The following ATP6V1G1 variants were observed in gnomAD, a reference collection of about 807,000 sequenced individuals.
ATP6V1G1 encodes ATPase H+ transporting V1 subunit G1, also known as V-type proton ATPase subunit G 1.
Under a neutral mutation model 14.2 loss-of-function variants are expected in ATP6V1G1, and 14 were observed. That is an observed-to-expected ratio of 0.99 (90% CI 0.65 to 1.55). ATP6V1G1 has a LOEUF of 1.55. Ranked by LOEUF, ATP6V1G1 falls within the 40% of genes most tolerant of loss-of-function variation. The probability of loss-of-function intolerance (pLI) is 0.00; values close to 1 mark genes in which losing one functional copy is unlikely to be tolerated. For missense variants in ATP6V1G1, 137 were observed against 146.4 expected (o/e 0.94, Z 0.33); for synonymous variants, 65 against 53.3 (o/e 1.22, Z -0.96).
At position 114,587,799 on chromosome 9, in the gene ATP6V1G1, G is replaced by A. The variant is rs756894791; in HGVS notation, c.-40G>A. On this transcript the variant is annotated 5_prime_UTR_variant, in exon 1 of 3. Transcript: ENST00000374050. ...AGCTGACCCAAGGGGCCTTCGAGGT[G>A]CCTTAGGCCGCTTGCCTTGCTCTCA... is the stretch of plus-strand genomic sequence containing the variant. 7.7e-6 allele frequency: 12 copies of A among 1,557,162 alleles called. No homozygotes were observed. In the Admixed American group the frequency reaches 1.2e-4, roughly 15 times the overall value.
intron 1 of ATP6V1G1, 189 bp downstream of exon 1, chr9:114,588,109 A>G: frequency 1.6e-6 from 1 of 635,080 alleles, no homozygotes; most frequent in Non-Finnish European, 2.7e-6. Context: ...GGAAGCCACG[A>G]TGTGAGATGG....
intron 1 of ATP6V1G1, among the ~76,000 whole-genome samples, chr9:114,588,322 A>G (rs118009168): frequency 0.021 from 3,095 of 150,800 alleles, 46 homozygotes; most frequent in Middle Eastern, 0.075. Context: ...TCCCTCCCTC[A>G]TTTAGTCAGT....
At chr9:114,590,048 G>A (rs943230398) in intron 1 of ATP6V1G1, among the ~76,000 whole-genome samples, 3 of 151,342 alleles carry the variant, frequency 2.0e-5, no homozygotes, top group African/African-American at 7.3e-5. Context: ...AAATACAAAA[G>A]TTAGCTGGGC....
Position 114,598,665 on chromosome 9 carries a change from T to C in ATP6V1G1, c.*922T>C, listed in dbSNP as rs1419590983. On this transcript the variant is annotated 3_prime_UTR_variant, in exon 3 of 3. Transcript: ENST00000374050. Reference sequence around the variant, plus strand: ...CCTGGGACAGCCTGGGGCAAGTTATTAAGCATATTTCCTTCCTGGTGGGCT... The same window carrying C: ...CCTGGGACAGCCTGGGGCAAGTTATCAAGCATATTTCCTTCCTGGTGGGCT... Among the ~76,000 whole-genome samples, 1 of 152,218 alleles carries C rather than the reference T, an allele frequency of 6.6e-6. No individual in the cohort carries two copies. Among genetic ancestry groups the C allele is most frequent in the East Asian group, 1.9e-4 (1 of 5,202 alleles).
intron 1 of ATP6V1G1, among the ~76,000 whole-genome samples, chr9:114,588,973 G>T (rs892314768): frequency 1.3e-5 from 2 of 152,190 alleles, no homozygotes; most frequent in African/African-American, 4.8e-5. Flanking sequence ...CAGCTATACT[G>T]AATCGTTGTG....
intron 2 of ATP6V1G1, among the ~76,000 whole-genome samples, chr9:114,592,952 C>T (rs183769233): frequency 8.7e-4 from 132 of 152,304 alleles, no homozygotes; most frequent in African/African-American, 3.1e-3. Flanking sequence ...GGTCCCTTCC[C>T]TCATGGAGTG....
At chr9:114,590,374 A>C (rs1845171488) in intron 1 of ATP6V1G1, among the ~76,000 whole-genome samples, 1 of 151,348 alleles carries the variant, frequency 6.6e-6, no homozygotes, top group Admixed American at 6.6e-5. Context: ...TTTGTGCCTC[A>C]GGCTCCCAAG....
chr9:114,598,621 T>A lies in ATP6V1G1; in HGVS notation c.*878T>A, dbSNP rs1436613520. On this transcript the variant is annotated 3_prime_UTR_variant, in exon 3 of 3. Transcript: ENST00000374050. The stretch of plus-strand genomic sequence containing the variant: ...CAAGCAACTAGTCTGTAGGTTGTCT[T>A]TTCTCTAGAGATCCTTGTCCTGGGA... 6.6e-6 allele frequency among the ~76,000 whole-genome samples: 1 copy of A among 152,224 alleles called. No individual in the cohort carries two copies. Among genetic ancestry groups the A allele is most frequent in the Non-Finnish European group, 1.5e-5 (1 of 68,040 alleles).
chr9:114,589,713 A>T (rs1346307414), intron 1 of ATP6V1G1, among the ~76,000 whole-genome samples: 1 of 152,206 alleles, frequency 6.6e-6, no homozygotes, highest in South Asian at 2.1e-4. Flanking sequence ...CTGATGGCTC[A>T]TCAGTAACAG....
intron 2 of ATP6V1G1, among the ~76,000 whole-genome samples, chr9:114,596,901 G>A (rs988880640): frequency 6.6e-6 from 1 of 151,432 alleles, no homozygotes; most frequent in Non-Finnish European, 1.5e-5. Context: ...ACAGTTCACT[G>A]CAATTCCTGA....
chr9:114,597,053 C>T (rs575675243), intron 2 of ATP6V1G1, among the ~76,000 whole-genome samples: 13 of 143,140 alleles, frequency 9.1e-5, no homozygotes, highest in South Asian at 2.2e-4. Context: ...TGCAGTGGCG[C>T]GATCTTGGCT....
Position 114,587,938 on chromosome 9 carries a change from GC to G in ATP6V1G1, c.82+19del, listed in dbSNP as rs781266076. 6.4e-7 allele frequency: 1 copy of G among 1,560,096 alleles called. No individual in the cohort carries two copies. Among genetic ancestry groups the G allele is most frequent in the African/African-American group, 1.4e-5 (1 of 73,826 alleles). ...CCGCAAAAGTGAGTTTCAGGGTGGG[GC>G]TGCCCGGCGTGGCGCGAGTCGAAGA... On this transcript the variant is annotated intron_variant, in intron 1 of 2. Coordinates refer to ENST00000374050, the MANE Select transcript of ATP6V1G1 (RefSeq NM_004888.4).
chr9:114,587,907 C>A lies in ATP6V1G1; in HGVS notation c.69C>A (p.Ser23=). The A allele has an allele frequency of 6.3e-7, 1 of 1,580,706 alleles. No individual in the cohort carries two copies. Among genetic ancestry groups the A allele is most frequent in the Non-Finnish European group, 8.6e-7 (1 of 1,163,610 alleles). Residue 23 remains serine (S), a synonymous_variant, in exon 1 of 3, where the codon TCC becomes TCA. Coordinates refer to ENST00000374050, the MANE Select transcript of ATP6V1G1 (RefSeq NM_004888.4). ...QAEKRAAEKV[S]EARKRKNRRL... ...AGAAGCGGGCAGCCGAGAAGGTGTC[C>A]GAGGCCCGCAAAAGTGAGTTTCAGG...
intron 1 of ATP6V1G1, among the ~76,000 whole-genome samples, chr9:114,589,705 G>C (rs984302098): frequency 6.6e-6 from 1 of 152,150 alleles, no homozygotes; most frequent in African/African-American, 2.4e-5. Context: ...TTTGTGTTCT[G>C]ATGGCTCATC....
intron 1 of ATP6V1G1, among the ~76,000 whole-genome samples, chr9:114,589,280 C>T (rs970303687): frequency 1.3e-5 from 2 of 152,180 alleles, no homozygotes; most frequent in Non-Finnish European, 1.5e-5. Context: ...AACTATGTCT[C>T]ATTTAACTTT....
intron 1 of ATP6V1G1, among the ~76,000 whole-genome samples, chr9:114,590,008 G>A (rs554218807): frequency 2.0e-5 from 3 of 151,602 alleles, no homozygotes; most frequent in South Asian, 4.2e-4. Flanking sequence ...GACCAGCCTG[G>A]GCAATATGGA....
At chr9:114,596,482 C>T (rs1053509830) in intron 2 of ATP6V1G1, among the ~76,000 whole-genome samples, 21 of 151,868 alleles carry the variant, frequency 1.4e-4, no homozygotes, top group African/African-American at 5.1e-4. Context: ...TCACTGTTAA[C>T]AGGTTTCTTT....
At chr9:114,591,785 G>C (rs549977998) in intron 1 of ATP6V1G1, among the ~76,000 whole-genome samples, 1 of 152,220 alleles carries the variant, frequency 6.6e-6, no homozygotes, top group Non-Finnish European at 1.5e-5. Context: ...CAAATAAATA[G>C]GTTGATGGTC....
At chr9:114,596,714 C>G (rs1402224343) in intron 2 of ATP6V1G1, among the ~76,000 whole-genome samples, 1 of 152,128 alleles carries the variant, frequency 6.6e-6, no homozygotes, top group Non-Finnish European at 1.5e-5. Flanking sequence ...CTGCTTCAGT[C>G]TCTCGAATAG....
Sources: gnomAD v4.1 joint callset for allele counts (sites outside exome capture counted in the v4.1 genomes callset) on GRCh38, gnomAD v4.1.1 for gene constraint, MANE v1.5 for transcripts, NCBI Gene and HGNC (gene_info 2026-07-23, HGNC 2026-07-21) for gene names.